The following MYO9B variants were observed in gnomAD, a reference collection of about 807,000 sequenced individuals.
MYO9B encodes myosin IXB, also known as unconventional myosin-IXb.
In MYO9B, 71 loss-of-function variants were observed where a neutral mutation model predicts 229.5. The ratio of observed to expected loss-of-function variants is 0.31; its 90% CI spans 0.26 to 0.38. MYO9B has a LOEUF of 0.38. Among genes scored for constraint, MYO9B ranks in the 10% least tolerant of loss-of-function variants. MYO9B has a pLI of 1.00. For missense variants in MYO9B, 2,255 were observed against 2,920.5 expected (o/e 0.77, Z 5.25); for synonymous variants, 1,185 against 1,235.8 (o/e 0.96, Z 0.86).
At chr19:17,183,748 C>A in intron 15 of MYO9B, 81 bp from the exon 16 acceptor site, 1 of 1,252,822 alleles carries the variant, frequency 8.0e-7, no homozygotes, top group South Asian at 1.4e-5. Flanking sequence ...GTCTAACCCG[C>A]CAGGCGTGGC....
intron 2 of MYO9B, among the ~76,000 whole-genome samples, chr19:17,124,036 C>A (rs569293862): frequency 3.3e-5 from 5 of 151,866 alleles, no homozygotes; most frequent in Admixed American, 2.6e-4. Context: ...CAGGCACTTA[C>A]CACCATCAAG....
intron 20 of MYO9B, 96 bp downstream of exon 20, chr19:17,191,315 A>C: frequency 1.5e-6 from 2 of 1,377,922 alleles, no homozygotes; most frequent in Non-Finnish European, 9.8e-7. Context: ...TCTCTGAAAC[A>C]TACAGGGCTC....
chr19:17,116,620 G>A (rs567457159), intron 2 of MYO9B, among the ~76,000 whole-genome samples: 100 of 152,322 alleles, frequency 6.6e-4, no homozygotes, highest in Middle Eastern at 6.8e-3. Flanking sequence ...AGGCCTGGGT[G>A]TTCCCCCCAC....
Position 17,207,215 on chromosome 19 carries a change from C to T in MYO9B, c.5595C>T (p.Thr1865=). 1.2e-6 allele frequency: 2 copies of T among 1,600,104 alleles called. No homozygotes were observed. Among genetic ancestry groups the T allele is most frequent in the East Asian group, 4.5e-5 (2 of 44,178 alleles). ...LRCPDNSDPL[T]SMKDVLKITT... ...GCCCTGACAACTCGGACCCGCTGACCAGCATGAAGGACGTCCTCAAGATCA... is the reference window on the plus strand; with the variant it reads ...GCCCTGACAACTCGGACCCGCTGACTAGCATGAAGGACGTCCTCAAGATCA... The change falls in exon 35 of 40, where the codon ACC becomes ACT. Residue 1865 remains threonine (T), a synonymous_variant. Coordinates refer to ENST00000682292, the MANE Select transcript of MYO9B (RefSeq NM_004145.4).
chr19:17,179,028 A>T (rs979321654), intron 14 of MYO9B, among the ~76,000 whole-genome samples: 18 of 102,160 alleles, frequency 1.8e-4, no homozygotes, highest in East Asian at 1.3e-3. Flanking sequence ...AAGACTCTGT[A>T]AAAAAAAAAA....
intron 1 of MYO9B, among the ~76,000 whole-genome samples, chr19:17,076,216 G>A (rs982978695): frequency 3.3e-5 from 5 of 151,908 alleles, no homozygotes; most frequent in Non-Finnish European, 7.4e-5. Flanking sequence ...GGGAACGAGA[G>A]GCCCAGGCTG....
intron 2 of MYO9B, among the ~76,000 whole-genome samples, chr19:17,110,630 T>G (rs1216292578): frequency 1.3e-5 from 2 of 152,198 alleles, no homozygotes; most frequent in Admixed American, 1.3e-4. Context: ...GTTTTCATTC[T>G]GAAAGCAGAA....
At chr19:17,207,057 C>T (rs1054300701) in intron 34 of MYO9B, 56 bp from the exon 35 acceptor site, 2 of 1,593,616 alleles carry the variant, frequency 1.3e-6, no homozygotes, top group Non-Finnish European at 1.7e-6. Flanking sequence ...CTCGGGGCTC[C>T]CTGGTACCTC....
chr19:17,121,907 G>T (rs1463367629), intron 2 of MYO9B, among the ~76,000 whole-genome samples: 1 of 151,744 alleles, frequency 6.6e-6, no homozygotes, highest in African/African-American at 2.4e-5. Flanking sequence ...AATCATTTGA[G>T]CCCGGGAGTT....
At chr19:17,183,993 G>GAA in intron 16 of MYO9B, 125 bp downstream of exon 16, 19 of 857,614 alleles carry the variant, frequency 2.2e-5, no homozygotes, top group Non-Finnish European at 2.9e-5. Context: ...CTCCCTCCAA[G>GAA]AAAAAAAAAA....
chr19:17,160,950 C>T lies in MYO9B; in HGVS notation c.1420-1400C>T, dbSNP rs2072594250. Among the ~76,000 whole-genome samples, 5 of 151,976 alleles carry T rather than the reference C, an allele frequency of 3.3e-5. No individual in the cohort carries two copies. The South Asian group carries it at 8.3e-4, about 25-fold the overall frequency. Reference sequence around the variant, plus strand: ...CTGACCTCAGGTGATCCACCCGCCTCGGCCTCCCAAAATGCTGGGATTACA... The same window carrying T: ...CTGACCTCAGGTGATCCACCCGCCTTGGCCTCCCAAAATGCTGGGATTACA... On this transcript the variant is annotated intron_variant, in intron 8 of 39. Transcript: ENST00000682292.
At chr19:17,143,920 CAAAAT>C (rs1190349610) in intron 2 of MYO9B, among the ~76,000 whole-genome samples, 3 of 151,910 alleles carry the variant, frequency 2.0e-5, no homozygotes, top group South Asian at 2.1e-4. Context: ...GACTCTGTCT[CAAAAT>C]AAAAAAGAAA....
chr19:17,127,168 C>G (rs551668905), intron 2 of MYO9B, among the ~76,000 whole-genome samples: 2 of 147,342 alleles, frequency 1.4e-5, no homozygotes, highest in African/African-American at 5.0e-5. Context: ...CACACCACCA[C>G]GCCCGGCTAA....
At chr19:17,185,554 A>G (rs2072909120) in intron 17 of MYO9B, among the ~76,000 whole-genome samples, 1 of 150,460 alleles carries the variant, frequency 6.6e-6, no homozygotes, top group South Asian at 2.1e-4. Context: ...CTCAAAAAAA[A>G]AAAAACAAAA....
At chr19:17,136,494 G>A (rs981130665) in intron 2 of MYO9B, among the ~76,000 whole-genome samples, 6 of 152,046 alleles carry the variant, frequency 3.9e-5, no homozygotes, top group Admixed American at 6.6e-5. Context: ...AGTGAGCCCC[G>A]ACTACCCAGC....
intron 1 of MYO9B, among the ~76,000 whole-genome samples, chr19:17,098,215 C>T (rs148673552): frequency 0.012 from 1,798 of 152,178 alleles, 46 homozygotes; most frequent in African/African-American, 0.04. Flanking sequence ...CCACCGTGCC[C>T]GGCTAATTTT....
intron 7 of MYO9B, among the ~76,000 whole-genome samples, chr19:17,159,003 G>C (rs1175145443): frequency 1.3e-5 from 2 of 152,140 alleles, no homozygotes; most frequent in African/African-American, 4.8e-5. Context: ...AGACCAGCCT[G>C]GCCAACACAG....
At chr19:17,168,206 C>A in intron 11 of MYO9B, 142 bp downstream of exon 11, 3 of 1,215,440 alleles carry the variant, frequency 2.5e-6, no homozygotes, top group Non-Finnish European at 3.4e-6. Context: ...ACTCTGTCAC[C>A]CAGGCTGGAG....
chr19:17,200,665 G>A lies in MYO9B; in HGVS notation c.4399G>A (p.Ala1467Thr), dbSNP rs368406124. The change falls in exon 26 of 40, where the codon GCT (alanine) becomes ACT (threonine). Residue 1467 changes from alanine to threonine, a missense_variant. Coordinates refer to ENST00000682292, the MANE Select transcript of MYO9B (RefSeq NM_004145.4). ...EAPSGQQHRH[A>T]AGEKRTKEPG... is the part of the protein sequence containing the mutation. ...CCCCTCCGGACAGCAGCATCGCCAC[G>A]CTGCAGGTGAGAAGCGCACCAAGGA... 3.8e-5 allele frequency: 62 copies of A among 1,613,766 alleles called. No individual in the cohort carries two copies. The highest frequency in any genetic ancestry group is 3.1e-4 in the East Asian group (14 of 44,896).
Sources: allele counts gnomAD v4.1 joint callset (sites outside exome capture counted in the v4.1 genomes callset), GRCh38; gene constraint gnomAD v4.1.1; transcripts MANE v1.5; gene names NCBI Gene and HGNC (gene_info 2026-07-23, HGNC 2026-07-21).